Variants in DYNLT5 observed in about 807,000 individuals in gnomAD.
The protein encoded by DYNLT5 is dynein light chain Tctex-type family member 5, also known as dynein light chain Tctex-type 5.
DYNLT5 carries 25 observed loss-of-function variants against 19.3 expected under a neutral mutation model. The ratio of observed to expected loss-of-function variants is 1.30; its 90% confidence interval spans 0.95 to 1.81. The LOEUF is 1.81. Among genes scored for constraint, DYNLT5 ranks in the 40% most tolerant of loss-of-function variants. The pLI is 0.00. For missense variants in DYNLT5, 232 were observed against 217.9 expected, an observed-to-expected ratio of 1.06 and a Z score of -0.41; for synonymous variants, 82 against 68.9, an observed-to-expected ratio of 1.19 and a Z score of -0.94.
chr1:66,770,533 C>G, intron 3 of DYNLT5, 55 bp downstream of exon 3: 1 of 1,301,950 alleles, frequency 7.7e-7, no homozygotes, highest in Non-Finnish European at 1.1e-6. Flanking sequence ...GTGACTGATT[C>G]TCTTAAAAAT....
At chr1:66,761,972 T>C (rs1243737269) in intron 2 of DYNLT5, among the ~76,000 whole-genome samples, 1 of 152,162 alleles carries the variant, frequency 6.6e-6, no homozygotes, top group Non-Finnish European at 1.5e-5. Context: ...ACTAAGTGTA[T>C]GTAATATTCT....
chr1:66,759,551 A>G (rs2094642360), intron 2 of DYNLT5, among the ~76,000 whole-genome samples: 2 of 152,222 alleles, frequency 1.3e-5, no homozygotes, highest in South Asian at 4.1e-4. Context: ...TATGCTAGGA[A>G]AACAATTTTT....
chr1:66,753,440 C>T (rs1023275399), intron 1 of DYNLT5, among the ~76,000 whole-genome samples: 1 of 152,144 alleles, frequency 6.6e-6, no homozygotes, highest in African/African-American at 2.4e-5. Flanking sequence ...AAGTCCATTG[C>T]TACTACCAGC....
At chr1:66,763,858 A>T (rs2094650029) in intron 2 of DYNLT5, among the ~76,000 whole-genome samples, 1 of 152,176 alleles carries the variant, frequency 6.6e-6, no homozygotes, top group African/African-American at 2.4e-5. Flanking sequence ...CTTATCATTC[A>T]TGTGTTCACG....
chr1:66,776,581 A>G (rs1312119014), intron 4 of DYNLT5, among the ~76,000 whole-genome samples, 178 bp downstream of exon 4: 1 of 151,220 alleles, frequency 6.6e-6, no homozygotes, highest in East Asian at 1.9e-4. Flanking sequence ...GTGTGTGTAT[A>G]TACATAAAGC....
intron 3 of DYNLT5, among the ~76,000 whole-genome samples, chr1:66,773,973 G>A (rs1386451040): frequency 6.6e-6 from 1 of 152,126 alleles, no homozygotes; most frequent in Non-Finnish European, 1.5e-5. Flanking sequence ...AGGTAACAAA[G>A]AAGTAAGAAA....
intron 2 of DYNLT5, among the ~76,000 whole-genome samples, chr1:66,765,771 G>T: frequency 6.6e-6 from 1 of 152,136 alleles, no homozygotes; most frequent in East Asian, 1.9e-4. Context: ...AAGCAGCTGG[G>T]ACTACAGGCT....
chr1:66,770,807 A>G (rs1382945036), intron 3 of DYNLT5: 3 of 340,858 alleles, frequency 8.8e-6, no homozygotes, highest in Admixed American at 4.3e-5. Context: ...AAGTATTGAT[A>G]TTTTATCCAA....
chr1:66,759,108 A>C (rs1345264865), intron 2 of DYNLT5, among the ~76,000 whole-genome samples: 1 of 152,228 alleles, frequency 6.6e-6, no homozygotes, highest in Admixed American at 6.5e-5. Flanking sequence ...TAGGTTATTA[A>C]GCCATTTCAC....
rs754161383 is a variant in DYNLT5 at position 66,770,374 on chromosome 1, C to G, written c.120-13C>G. Reference sequence around the variant, plus strand: ...TAATAATGACTAAAATTTGTTTTCTCCCTTGTTTTTAGTTCTATGAGTACT... The same window carrying G: ...TAATAATGACTAAAATTTGTTTTCTGCCTTGTTTTTAGTTCTATGAGTACT... On this transcript the variant is annotated splice_polypyrimidine_tract_variant and intron_variant, in intron 2 of 4. Coordinates refer to ENST00000282670, the MANE Select transcript of DYNLT5 (RefSeq NM_152665.3). The G allele has an allele frequency of 1.9e-6, 3 of 1,573,736 alleles. No homozygotes were observed. The highest frequency in any genetic ancestry group is 2.3e-5 in the South Asian group (2 of 88,132).
chr1:66,769,347 C>T (rs1480977243), intron 2 of DYNLT5, among the ~76,000 whole-genome samples: 1 of 152,048 alleles, frequency 6.6e-6, no homozygotes, highest in Non-Finnish European at 1.5e-5. Flanking sequence ...AATAGATTAC[C>T]CGTGATTTTC....
intron 3 of DYNLT5, among the ~76,000 whole-genome samples, chr1:66,773,360 T>G (rs1645214914): frequency 6.6e-6 from 1 of 152,164 alleles, no homozygotes; most frequent in Non-Finnish European, 1.5e-5. Context: ...CATGAAGTGC[T>G]CAGGCCCTGT....
intron 2 of DYNLT5, among the ~76,000 whole-genome samples, chr1:66,756,606 T>C (rs1459586890): frequency 1.3e-5 from 2 of 152,232 alleles, no homozygotes; most frequent in Non-Finnish European, 2.9e-5. Flanking sequence ...ATACATTATC[T>C]CACTGAATCT....
intron 1 of DYNLT5, among the ~76,000 whole-genome samples, chr1:66,753,751 C>G (rs557130311): frequency 1.3e-5 from 2 of 151,560 alleles, no homozygotes; most frequent in African/African-American, 4.9e-5. Flanking sequence ...GAGATTAAGG[C>G]CAGCCTGGGC....
In DYNLT5 at chr1:66,765,756, C is replaced by A. The variant is rs76127023; in HGVS notation, c.120-4631C>A. Among the ~76,000 whole-genome samples, 513 of 152,062 alleles carry A rather than the reference C, an allele frequency of 3.4e-3. 2 individuals carry two copies. Among genetic ancestry groups the A allele is most frequent in the Non-Finnish European group, 6.1e-3 (412 of 67,990 alleles). On this transcript the variant is annotated intron_variant, in intron 2 of 4. Transcript: ENST00000282670. ...GTTCAAGCAATTCTCCGGCCTCAGCCTCTCAAGCAGCTGGGACTACAGGCT... is the reference window on the plus strand; with the variant it reads ...GTTCAAGCAATTCTCCGGCCTCAGCATCTCAAGCAGCTGGGACTACAGGCT...
Sources: allele counts gnomAD v4.1 joint callset (sites outside exome capture counted in the v4.1 genomes callset), GRCh38; gene constraint gnomAD v4.1.1; transcripts MANE v1.5; gene names NCBI Gene and HGNC (gene_info 2026-07-23, HGNC 2026-07-21).